MMP16: variants seen among roughly 807,000 people sequenced by gnomAD.
The protein encoded by MMP16 is matrix metalloproteinase-16.
Under a neutral mutation model 67.8 loss-of-function variants are expected in MMP16, and 12 were observed. The observed-to-expected ratio is 0.18, with a 90% CI of 0.11 to 0.29. The LOEUF (loss-of-function observed/expected upper bound fraction) is 0.29, where lower values mean the gene tolerates loss of function less well. Among genes scored for constraint, MMP16 ranks in the 10% least tolerant of loss-of-function variants. MMP16 has a pLI of 1.00. For synonymous variants in MMP16, 249 were observed against 255.9 expected (o/e 0.97, Z 0.26); for missense variants, 475 against 765.7 (o/e 0.62, Z 4.48).
At chr8:88,071,854 G>A (rs190609022) in intron 7 of MMP16, among the ~76,000 whole-genome samples, 102 of 152,078 alleles carry the variant, frequency 6.7e-4, no homozygotes, top group African/African-American at 2.4e-3. Context: ...ACAAAGAAAG[G>A]TATATAATAG....
Position 88,121,281 on chromosome 8 carries a change from T to G in MMP16, c.710-2420A>C, listed in dbSNP as rs189076597. On this transcript the variant is annotated intron_variant, in intron 4 of 9. Transcript: ENST00000286614. ...ATAAAGTAAGGCTTTAGAAGAAAATTAATAGAACCAGGATATGAACTTACG... is the reference window on the plus strand; with the variant it reads ...ATAAAGTAAGGCTTTAGAAGAAAATGAATAGAACCAGGATATGAACTTACG... Among the ~76,000 whole-genome samples the G allele has an allele frequency of 3.3e-3, 494 of 151,994 alleles. 1 individual carries two copies. Among genetic ancestry groups the G allele is most frequent in the Middle Eastern group, 0.01 (3 of 294 alleles).
At chr8:88,068,341 T>C (rs1808490039) in intron 7 of MMP16, among the ~76,000 whole-genome samples, 1 of 152,136 alleles carries the variant, frequency 6.6e-6, no homozygotes, top group Non-Finnish European at 1.5e-5. Flanking sequence ...TTGCAAATAA[T>C]GTACTCTAAC....
At chr8:88,196,656 G>T (rs1809261744) in intron 2 of MMP16, among the ~76,000 whole-genome samples, 1 of 152,118 alleles carries the variant, frequency 6.6e-6, no homozygotes, top group African/African-American at 2.4e-5. Flanking sequence ...CGTCAGCAGT[G>T]GGGAGTTAGT....
At chr8:88,218,425 C>T (rs1178553240) in intron 1 of MMP16, among the ~76,000 whole-genome samples, 1 of 151,846 alleles carries the variant, frequency 6.6e-6, no homozygotes, top group African/African-American at 2.4e-5. Flanking sequence ...AGCATGGTGA[C>T]TTTAGTTAAT....
At chr8:88,269,409 A>G (rs1425348568) in intron 1 of MMP16, among the ~76,000 whole-genome samples, 2 of 152,150 alleles carry the variant, frequency 1.3e-5, no homozygotes, top group African/African-American at 4.8e-5. Flanking sequence ...TCACAGAGCC[A>G]TAACAAAAGT....
At chr8:88,260,413 T>C (rs997945392) in intron 1 of MMP16, among the ~76,000 whole-genome samples, 10 of 152,172 alleles carry the variant, frequency 6.6e-5, no homozygotes, top group Admixed American at 1.3e-4. Flanking sequence ...TTTTTTCACT[T>C]AAAAGTTTAT....
At chr8:88,074,887 CT>C (rs1808619839) in intron 6 of MMP16, 144 bp from the exon 7 acceptor site, 1 of 1,091,296 alleles carries the variant, frequency 9.2e-7, no homozygotes, top group Admixed American at 2.7e-5. Flanking sequence ...AGCTAAACAA[CT>C]TGACCGCAAT....
At chr8:88,281,580 G>T (rs1488809783) in intron 1 of MMP16, among the ~76,000 whole-genome samples, 4 of 152,206 alleles carry the variant, frequency 2.6e-5, no homozygotes, top group Non-Finnish European at 4.4e-5. Flanking sequence ...GGTCTTTCCA[G>T]TCAGCAAGCT....
chr8:88,290,928 T>C (rs1201377817), intron 1 of MMP16, among the ~76,000 whole-genome samples: 1 of 152,116 alleles, frequency 6.6e-6, no homozygotes, highest in African/African-American at 2.4e-5. Context: ...ATTCAAAAAA[T>C]GAAGAGATTC....
At chr8:88,267,685 G>T (rs903367958) in intron 1 of MMP16, among the ~76,000 whole-genome samples, 1 of 152,178 alleles carries the variant, frequency 6.6e-6, no homozygotes, top group South Asian at 2.1e-4. Context: ...ATGGTGAAAT[G>T]ATGTTATTAC....
intron 7 of MMP16, among the ~76,000 whole-genome samples, chr8:88,059,466 A>G (rs906464116): frequency 2.6e-5 from 4 of 152,146 alleles, no homozygotes; most frequent in African/African-American, 4.8e-5. Context: ...TACAAAGTCC[A>G]AATTTGAACT....
At chr8:88,166,818 G>A (rs531772924) in intron 4 of MMP16, among the ~76,000 whole-genome samples, 20 of 149,690 alleles carry the variant, frequency 1.3e-4, no homozygotes, top group African/African-American at 4.7e-4. Flanking sequence ...AAGGGATCCC[G>A]TCTTGGCCTC....
At chr8:88,322,454 T>C (rs1440288579) in intron 1 of MMP16, among the ~76,000 whole-genome samples, 1 of 152,196 alleles carries the variant, frequency 6.6e-6, no homozygotes, top group African/African-American at 2.4e-5. Context: ...CCAATTGATA[T>C]GTCCTAACCT....
chr8:88,171,722 C>CTTA (rs2129713256), intron 3 of MMP16, among the ~76,000 whole-genome samples: 1 of 152,088 alleles, frequency 6.6e-6, no homozygotes, highest in East Asian at 1.9e-4. Flanking sequence ...ACTCAGTGGT[C>CTTA]TTACTCGAAT....
chr8:88,208,602 G>A (rs192978566), intron 1 of MMP16, among the ~76,000 whole-genome samples: 1 of 152,054 alleles, frequency 6.6e-6, no homozygotes, highest in Non-Finnish European at 1.5e-5. Flanking sequence ...GGAAAGGATT[G>A]CCAGTGCTAT....
intron 3 of MMP16, among the ~76,000 whole-genome samples, chr8:88,169,183 CT>C (rs1192477452): frequency 6.6e-6 from 1 of 151,932 alleles, no homozygotes; most frequent in African/African-American, 2.4e-5. Context: ...TTATTTTGCC[CT>C]TTTAAGACTT....
chr8:88,280,897 T>A (rs1174614107), intron 1 of MMP16, among the ~76,000 whole-genome samples: 3 of 151,304 alleles, frequency 2.0e-5, no homozygotes, highest in Non-Finnish European at 4.4e-5. Flanking sequence ...TCTGTTTTTT[T>A]CACTTTCTGC....
intron 3 of MMP16, among the ~76,000 whole-genome samples, chr8:88,180,234 T>C (rs940504294): frequency 1.3e-5 from 2 of 151,686 alleles, no homozygotes; most frequent in Non-Finnish European, 2.9e-5. Context: ...CGAGCTGAGA[T>C]TGCGCCATTT....
At chr8:88,099,389 A>C (rs544631606) in intron 6 of MMP16, among the ~76,000 whole-genome samples, 1 of 152,000 alleles carries the variant, frequency 6.6e-6, no homozygotes, top group East Asian at 1.9e-4. Context: ...ATAGTGACTT[A>C]ATACAATTTA....
Sources: allele counts gnomAD v4.1 joint callset (sites outside exome capture counted in the v4.1 genomes callset), GRCh38; gene constraint gnomAD v4.1.1; transcripts MANE v1.5; gene names NCBI Gene and HGNC (gene_info 2026-07-23, HGNC 2026-07-21).